Variants in CTNNA3 observed in about 807,000 individuals in gnomAD.
CTNNA3 encodes catenin alpha 3.
CTNNA3 carries 76 observed loss-of-function variants against 95.7 expected under a neutral mutation model. That is an observed-to-expected ratio of 0.79 (90% CI 0.66 to 0.96). The LOEUF (loss-of-function observed/expected upper bound fraction) is 0.96, where lower values mean the gene tolerates loss of function less well. Among genes scored for constraint, CTNNA3 ranks in the 40% least tolerant of loss-of-function variants. The pLI is 0.00. For missense variants in CTNNA3, 1,191 were observed against 1,089.8 expected (o/e 1.09, Z -1.31); for synonymous variants, 431 against 374.4 (o/e 1.15, Z -1.74).
chr10:66,324,627 C>A (rs1431023455), intron 12 of CTNNA3, among the ~76,000 whole-genome samples: 1 of 152,136 alleles, frequency 6.6e-6, no homozygotes, highest in Admixed American at 6.5e-5. Context: ...CCCCTTCCTG[C>A]AAGGGGTTTG....
At chr10:67,678,386 A>C (rs1161412350) in intron 1 of CTNNA3, among the ~76,000 whole-genome samples, 1 of 152,184 alleles carries the variant, frequency 6.6e-6, no homozygotes. Context: ...GAAAAAGACA[A>C]TGAAGTAATT....
At chr10:66,022,392 G>C (rs989222681) in intron 15 of CTNNA3, among the ~76,000 whole-genome samples, 2 of 152,020 alleles carry the variant, frequency 1.3e-5, no homozygotes, top group Admixed American at 6.5e-5. Context: ...CTTCATTTTT[G>C]CTTTGATGAA....
At chr10:66,881,503 C>T (rs12240862) in intron 7 of CTNNA3, among the ~76,000 whole-genome samples, 6,212 of 152,122 alleles carry the variant, frequency 0.041, 412 homozygotes, top group African/African-American at 0.14. Flanking sequence ...AGGACTCACA[C>T]CATATAACAT....
At chr10:66,893,739 A>G (rs1845364471) in intron 7 of CTNNA3, among the ~76,000 whole-genome samples, 1 of 152,132 alleles carries the variant, frequency 6.6e-6, no homozygotes, top group Non-Finnish European at 1.5e-5. Context: ...TCTTTTCAGT[A>G]CTGAATGAAA....
chr10:67,472,039 T>C lies in CTNNA3; in HGVS notation c.579+49803A>G, dbSNP rs199517886. ...AATTATAACCTCACAATAAGAATAC[T>C]TTCCAAAATCATCACAAAACTTGAT... is the stretch of plus-strand genomic sequence containing the variant. On this transcript the variant is annotated intron_variant, in intron 5 of 17. Coordinates refer to ENST00000433211, the MANE Select transcript of CTNNA3 (RefSeq NM_013266.4). Among the ~76,000 whole-genome samples, 7 of 152,354 alleles carry C rather than the reference T, an allele frequency of 4.6e-5. No homozygotes were observed. The East Asian group carries it at 1.3e-3, about 29-fold the overall frequency.
intron 12 of CTNNA3, among the ~76,000 whole-genome samples, chr10:66,347,438 A>G (rs2092531684): frequency 6.6e-6 from 1 of 151,926 alleles, no homozygotes; most frequent in Non-Finnish European, 1.5e-5. Flanking sequence ...TTTTTGTGAG[A>G]TTCCGTCTCT....
At chr10:67,446,912 T>C (rs1846772142) in intron 5 of CTNNA3, among the ~76,000 whole-genome samples, 1 of 152,158 alleles carries the variant, frequency 6.6e-6, no homozygotes, top group Non-Finnish European at 1.5e-5. Flanking sequence ...GAGACCATCC[T>C]GGCTAACACG....
In CTNNA3 at chr10:67,604,197, G is replaced by C. The variant is rs546378086; in HGVS notation, c.292+2660C>G. Among the ~76,000 whole-genome samples the C allele has an allele frequency of 2.6e-5, 4 of 152,284 alleles. No individual in the cohort carries two copies. The South Asian group carries it at 8.3e-4, about 32-fold the overall frequency. ...AAATGGCATATGGATGCACTTCTCA[G>C]AACATGTCCCCATTGTTAAGTAAGG... On this transcript the variant is annotated intron_variant, in intron 3 of 17. Transcript: ENST00000433211.
chr10:66,981,470 A>AT (rs1184134678), intron 7 of CTNNA3, among the ~76,000 whole-genome samples: 4 of 151,642 alleles, frequency 2.6e-5, no homozygotes, highest in Admixed American at 6.6e-5. Context: ...ATTTCCATTT[A>AT]TTTTTTTTGG....
intron 15 of CTNNA3, among the ~76,000 whole-genome samples, chr10:66,012,549 C>A (rs1387424482): frequency 6.6e-6 from 1 of 152,064 alleles, no homozygotes; most frequent in Non-Finnish European, 1.5e-5. Flanking sequence ...TAAAATGAGA[C>A]AACTGCATAA....
intron 2 of CTNNA3, among the ~76,000 whole-genome samples, chr10:67,613,791 G>A (rs746785393): frequency 3.3e-5 from 5 of 151,516 alleles, no homozygotes; most frequent in East Asian, 1.9e-4. Flanking sequence ...CTTAAGCCAC[G>A]GTTCCCCAAC....
At chr10:66,702,867 G>A (rs538407670) in intron 9 of CTNNA3, among the ~76,000 whole-genome samples, 12 of 151,946 alleles carry the variant, frequency 7.9e-5, no homozygotes, top group East Asian at 7.8e-4. Flanking sequence ...CAATAAGCCC[G>A]TCACACATTT....
intron 9 of CTNNA3, among the ~76,000 whole-genome samples, chr10:66,710,460 T>C (rs1287772984): frequency 6.6e-6 from 1 of 152,070 alleles, no homozygotes; most frequent in African/African-American, 2.4e-5. Flanking sequence ...ATTAATGATA[T>C]GCTCCACTGC....
intron 5 of CTNNA3, among the ~76,000 whole-genome samples, chr10:67,246,188 G>T (rs576592918): frequency 6.6e-6 from 1 of 152,228 alleles, no homozygotes; most frequent in South Asian, 2.1e-4. Flanking sequence ...AGAACTGTAC[G>T]CAGAGCATGA....
intron 12 of CTNNA3, among the ~76,000 whole-genome samples, chr10:66,365,805 T>G (rs72802897): frequency 0.061 from 9,230 of 151,842 alleles, 399 homozygotes; most frequent in East Asian, 0.11. Context: ...CACACTGAGG[T>G]GCCATGATGT....
intron 5 of CTNNA3, among the ~76,000 whole-genome samples, chr10:67,487,514 GA>G (rs1240445261): frequency 2.0e-5 from 3 of 152,170 alleles, no homozygotes; most frequent in Admixed American, 1.3e-4. Flanking sequence ...GGTGGTAGGG[GA>G]AAAAATGTAA....
At chr10:67,515,870 T>C (rs1026041473) in intron 5 of CTNNA3, among the ~76,000 whole-genome samples, 2 of 152,298 alleles carry the variant, frequency 1.3e-5, no homozygotes, top group South Asian at 4.1e-4. Context: ...GCACCTCCCC[T>C]TAGTACTCAT....
rs149528383 is a variant in CTNNA3 at position 67,202,423 on chromosome 10, C to A, written c.843+17184G>T. Among the ~76,000 whole-genome samples the A allele has an allele frequency of 1.4e-3, 209 of 152,266 alleles. 3 individuals are homozygous for A. The highest frequency in any genetic ancestry group is 4.8e-3 in the African/African-American group (201 of 41,564). The stretch of plus-strand genomic sequence containing the variant: ...ACACCCTACAAAGCAAAATACTATA[C>A]TATGATCCACACTACTAACCATATT... On this transcript the variant is annotated intron_variant, in intron 6 of 17. Transcript: ENST00000433211.
At chr10:66,466,590 G>C (rs1251438933) in intron 11 of CTNNA3, among the ~76,000 whole-genome samples, 1 of 151,914 alleles carries the variant, frequency 6.6e-6, no homozygotes, top group African/African-American at 2.4e-5. Flanking sequence ...TCTATGTTGA[G>C]CTTTTGCATG....
Sources: allele counts gnomAD v4.1 joint callset (sites outside exome capture counted in the v4.1 genomes callset), GRCh38; gene constraint gnomAD v4.1.1; transcripts MANE v1.5; gene names NCBI Gene and HGNC (gene_info 2026-07-23, HGNC 2026-07-21).